FGF7: variants seen among roughly 807,000 people sequenced by gnomAD.
FGF7 encodes the protein FGF-7.
A neutral mutation model predicts 20.5 loss-of-function variants in FGF7; 6 were observed. The observed-to-expected ratio is 0.29, with a 90% CI of 0.16 to 0.58. The LOEUF is 0.58. FGF7 is among the 20% of genes least tolerant of loss of function. The pLI, the probability that FGF7 is intolerant of heterozygous loss-of-function variation, is 0.90. For synonymous variants in FGF7, 64 were observed against 74.7 expected (o/e 0.86, Z 0.74); for missense variants, 144 against 228.8 (o/e 0.63, Z 2.39).
At chr15:49,465,529 A>G (rs2054191052) in intron 2 of FGF7, among the ~76,000 whole-genome samples, 1 of 152,148 alleles carries the variant, frequency 6.6e-6, no homozygotes, top group Non-Finnish European at 1.5e-5. Context: ...GTTGTTACCC[A>G]TAATATGAGT....
chr15:49,482,676 G>C (rs894281369), intron 2 of FGF7, among the ~76,000 whole-genome samples: 2 of 152,030 alleles, frequency 1.3e-5, no homozygotes, highest in Non-Finnish European at 2.9e-5. Flanking sequence ...TCAGGTATAA[G>C]AATTTGGGCA....
intron 2 of FGF7, among the ~76,000 whole-genome samples, chr15:49,481,924 T>C (rs2055983943): frequency 6.6e-6 from 1 of 152,052 alleles, no homozygotes; most frequent in African/African-American, 2.4e-5. Context: ...CTGGGCTACA[T>C]TAAATCCCAA....
chr15:49,461,053 C>A lies in FGF7; in HGVS notation c.287-22098C>A, dbSNP rs191723747. On this transcript the variant is annotated intron_variant, in intron 2 of 3. Coordinates refer to ENST00000267843, the MANE Select transcript of FGF7 (RefSeq NM_002009.4). ...CCTGAAAATACTACCCTTCATCCCA[C>A]CTCTGCCATTTTTCTTAGTCTATTT... Among the ~76,000 whole-genome samples, 270 of 152,234 alleles carry A rather than the reference C, an allele frequency of 1.8e-3. 2 individuals carry two copies. The highest frequency in any genetic ancestry group is 6.1e-3 in the African/African-American group (252 of 41,550).
At position 49,456,604 on chromosome 15, in the gene FGF7, A is replaced by C. The variant is rs143077909; in HGVS notation, c.287-26547A>C. 2.0e-3 allele frequency among the ~76,000 whole-genome samples: 304 copies of C among 152,256 alleles called. 2 individuals carry two copies. Among genetic ancestry groups the C allele is most frequent in the African/African-American group, 6.9e-3 (288 of 41,586 alleles). On this transcript the variant is annotated intron_variant, in intron 2 of 3. Coordinates refer to ENST00000267843, the MANE Select transcript of FGF7 (RefSeq NM_002009.4). Reference sequence around the variant, plus strand: ...TTTGCCTTTCTCTTCTCAAGGAATAAATGTTTGAGAAGGAGAGATAACTAA... The same window carrying C: ...TTTGCCTTTCTCTTCTCAAGGAATACATGTTTGAGAAGGAGAGATAACTAA...
At chr15:49,451,771 G>A (rs1307405491) in intron 2 of FGF7, among the ~76,000 whole-genome samples, 1 of 152,066 alleles carries the variant, frequency 6.6e-6, no homozygotes, top group Non-Finnish European at 1.5e-5. Flanking sequence ...AGAATCACTT[G>A]TTAAGTAAGT....
At chr15:49,449,320 T>G (rs1209096387) in intron 2 of FGF7, among the ~76,000 whole-genome samples, 1 of 152,098 alleles carries the variant, frequency 6.6e-6, no homozygotes, top group South Asian at 2.1e-4. Context: ...AAATGTTTTT[T>G]ACTTCTATAC....
At chr15:49,471,590 A>T (rs1322298504) in intron 2 of FGF7, among the ~76,000 whole-genome samples, 9 of 151,708 alleles carry the variant, frequency 5.9e-5, no homozygotes, top group African/African-American at 2.2e-4. Context: ...TAGAGTACTG[A>T]ACATAGTTAA....
chr15:49,472,025 A>G (rs1290048805), intron 2 of FGF7, among the ~76,000 whole-genome samples: 4 of 152,050 alleles, frequency 2.6e-5, no homozygotes, highest in Non-Finnish European at 5.9e-5. Flanking sequence ...GAAGTGAAAA[A>G]AAAAAAAAAG....
At position 49,488,170 on chromosome 15, in the gene FGF7, A is replaced by G. The variant is rs1460337467; in HGVS notation, c.*3666A>G. On this transcript the variant is annotated 3_prime_UTR_variant, in exon 4 of 4. Transcript: ENST00000267843. ...ATCACCCTAAAACAGAGTTGGGAAA[A>G]TATCTATTAACTGGTCTCTCTGGTT... 5 of 151,972 alleles carry G rather than the reference A, an allele frequency of 3.3e-5. No homozygotes were observed. Among genetic ancestry groups the G allele is most frequent in the Admixed American group, 2.6e-4 (4 of 15,226 alleles). The allele number at this position is 151,972 out of a possible 1,614,324, so 9.4% of individuals were successfully genotyped here.
In FGF7 at chr15:49,484,593, A is replaced by G; in HGVS notation, c.*89A>G. On this transcript the variant is annotated 3_prime_UTR_variant, in exon 4 of 4. Coordinates refer to ENST00000267843, the MANE Select transcript of FGF7 (RefSeq NM_002009.4). Reference sequence around the variant, plus strand: ...TCTTCTCAAAATTTTCTTTCCTTTTATTTTTTAGTAATCAAGAAAGGCTGG... The same window carrying G: ...TCTTCTCAAAATTTTCTTTCCTTTTGTTTTTTAGTAATCAAGAAAGGCTGG... The G allele has an allele frequency of 1.7e-6, 1 of 577,340 alleles. No individual in the cohort carries two copies. Among genetic ancestry groups the G allele is most frequent in the East Asian group, 3.3e-5 (1 of 30,676 alleles). 35.8% of individuals were successfully genotyped at this position (577,340 alleles called of 1,614,324 possible).
intron 2 of FGF7, among the ~76,000 whole-genome samples, chr15:49,435,394 G>A (rs2051008135): frequency 1.3e-5 from 2 of 151,544 alleles, no homozygotes; most frequent in African/African-American, 2.4e-5. Flanking sequence ...ATGAGCACTG[G>A]ATCACCTGTT....
In FGF7 at chr15:49,486,807, AATTT is replaced by A. The variant is rs1163940955; in HGVS notation, c.*2307_*2310del. The A allele has an allele frequency of 6.6e-6, 1 of 151,826 alleles. No individual in the cohort carries two copies. Among genetic ancestry groups the A allele is most frequent in the Non-Finnish European group, 1.5e-5 (1 of 67,872 alleles). The allele number at this position is 151,826 out of a possible 1,614,324, so 9.4% of individuals were successfully genotyped here. A position where few individuals can be genotyped will look rare whatever the true frequency, so the allele number is the denominator to read the frequency against. On this transcript the variant is annotated 3_prime_UTR_variant, in exon 4 of 4. Transcript: ENST00000267843. ...ATTATTTGTTTTTCTCCTATTTTTA[AATTT>A]ATTATGCAAATTTTAGAAAATAAAA... is the stretch of plus-strand genomic sequence containing the variant.
At chr15:49,437,112 T>G (rs2051176786) in intron 2 of FGF7, among the ~76,000 whole-genome samples, 1 of 151,610 alleles carries the variant, frequency 6.6e-6, no homozygotes, top group Non-Finnish European at 1.5e-5. Flanking sequence ...TTCTGTTCTT[T>G]AGGGTCTGGA....
chr15:49,474,712 C>T (rs1268749057), intron 2 of FGF7, among the ~76,000 whole-genome samples: 3 of 152,196 alleles, frequency 2.0e-5, no homozygotes, highest in Non-Finnish European at 2.9e-5. Flanking sequence ...AGATGAGCTG[C>T]GGGTGAGCAA....
chr15:49,451,994 T>C (rs1039417844), intron 2 of FGF7, among the ~76,000 whole-genome samples: 3 of 152,156 alleles, frequency 2.0e-5, no homozygotes, highest in African/African-American at 7.2e-5. Context: ...CTCAATATGA[T>C]ATCTTATATC....
At chr15:49,448,129 A>G (rs2052393672) in intron 2 of FGF7, among the ~76,000 whole-genome samples, 1 of 151,814 alleles carries the variant, frequency 6.6e-6, no homozygotes, top group African/African-American at 2.4e-5. Flanking sequence ...TCCTATTTAC[A>G]TAACATATTT....
At chr15:49,475,715 C>T (rs1351794066) in intron 2 of FGF7, among the ~76,000 whole-genome samples, 3 of 152,062 alleles carry the variant, frequency 2.0e-5, no homozygotes, top group Admixed American at 1.3e-4. Context: ...GGGGCGGGCA[C>T]GGTGGCTTAT....
intron 2 of FGF7, among the ~76,000 whole-genome samples, chr15:49,446,332 G>A (rs992532069): frequency 4.0e-5 from 6 of 151,514 alleles, no homozygotes; most frequent in Admixed American, 1.3e-4. Context: ...GAGCACCTTC[G>A]ATGTACAGGT....
rs921978573 is a variant in FGF7, at chr15:49,427,611, A to G, written c.286+3028A>G. On this transcript the variant is annotated intron_variant, in intron 2 of 3. Transcript: ENST00000267843. Reference sequence around the variant, plus strand: ...ATATAATTATTCTTCTGGTTACCAAAAGAAAGTCCCCAATCTTTTCTCATG... The same window carrying G: ...ATATAATTATTCTTCTGGTTACCAAGAGAAAGTCCCCAATCTTTTCTCATG... Among the ~76,000 whole-genome samples the G allele has an allele frequency of 3.9e-5, 6 of 152,006 alleles. No homozygotes were observed. In the East Asian group the frequency reaches 9.7e-4, roughly 25 times the overall value.
Sources: gnomAD v4.1 joint callset for allele counts (sites outside exome capture counted in the v4.1 genomes callset) on GRCh38, gnomAD v4.1.1 for gene constraint, MANE v1.5 for transcripts, NCBI Gene and HGNC (gene_info 2026-07-23, HGNC 2026-07-21) for gene names.